SMC6: variants seen among roughly 807,000 people sequenced by gnomAD.
The protein encoded by SMC6 is structural maintenance of chromosomes 6.
A neutral mutation model predicts 142.2 loss-of-function variants in SMC6; 79 were observed. The ratio of observed to expected loss-of-function variants is 0.56; its 90% CI spans 0.46 to 0.67. SMC6 has a LOEUF of 0.67. Ranked by LOEUF, SMC6 falls within the 30% of genes least tolerant of loss-of-function variation. The pLI is 0.00. For synonymous variants in SMC6, 411 were observed against 412.4 expected (o/e 1.00, Z 0.04); for missense variants, 1,072 against 1,284.0 (o/e 0.83, Z 2.52).
intron 2 of SMC6, among the ~76,000 whole-genome samples, chr2:17,750,407 T>C (rs923262551): frequency 1.3e-5 from 2 of 152,196 alleles, no homozygotes; most frequent in Non-Finnish European, 2.9e-5. Context: ...TTTCCTTTGA[T>C]CCCCAACATC....
intron 18 of SMC6, among the ~76,000 whole-genome samples, chr2:17,704,832 T>C (rs934223090): frequency 2.0e-5 from 3 of 152,144 alleles, no homozygotes; most frequent in Admixed American, 6.5e-5. Flanking sequence ...AGGAAGAGAA[T>C]AGCGCAATTT....
intron 24 of SMC6, among the ~76,000 whole-genome samples, chr2:17,682,478 AG>A (rs1667277594): frequency 6.6e-6 from 1 of 152,182 alleles, no homozygotes; most frequent in African/African-American, 2.4e-5. Flanking sequence ...TAAACTCCAG[AG>A]GATCTATAAA....
At chr2:17,686,885 C>T (rs1667480428) in intron 23 of SMC6, among the ~76,000 whole-genome samples, 1 of 152,128 alleles carries the variant, frequency 6.6e-6, no homozygotes, top group Non-Finnish European at 1.5e-5. Flanking sequence ...TCAATGTATA[C>T]AAACTTTGTT....
chr2:17,693,978 C>T (rs963167981), intron 23 of SMC6, among the ~76,000 whole-genome samples: 1 of 106,750 alleles, frequency 9.4e-6, no homozygotes. Context: ...CCAGCCTGGG[C>T]AAGAGGAGCA....
chr2:17,740,233 A>G (rs957458425), intron 4 of SMC6, among the ~76,000 whole-genome samples: 2 of 152,218 alleles, frequency 1.3e-5, no homozygotes, highest in Admixed American at 1.3e-4. Context: ...TGACCCCTCT[A>G]AAACAGTGAT....
chr2:17,740,861 A>C (rs973958391), intron 4 of SMC6: 19 of 229,206 alleles, frequency 8.3e-5, no homozygotes, highest in African/African-American at 1.4e-4. Flanking sequence ...AAAAAACAAA[A>C]AACAAAAAAA....
intron 9 of SMC6, among the ~76,000 whole-genome samples, chr2:17,723,546 T>A (rs1181086112): frequency 6.6e-6 from 1 of 152,166 alleles, no homozygotes; most frequent in African/African-American, 2.4e-5. Flanking sequence ...GCTTTCACCA[T>A]CCTTTGCCTG....
chr2:17,703,125 C>G (rs1668348814), intron 19 of SMC6, 32 bp downstream of exon 19: 1 of 1,245,528 alleles, frequency 8.0e-7, no homozygotes, highest in South Asian at 1.5e-5. Context: ...TTGAAAAAAA[C>G]AAAAGAAGGT....
At chr2:17,720,751 C>T (rs1004106493) in intron 11 of SMC6, among the ~76,000 whole-genome samples, 189 bp downstream of exon 11, 11 of 152,076 alleles carry the variant, frequency 7.2e-5, no homozygotes, top group Non-Finnish European at 1.2e-4. Context: ...GGATAGAGTA[C>T]TCTTTTCAAA....
At chr2:17,709,359 A>T (rs1172334223) in intron 16 of SMC6, among the ~76,000 whole-genome samples, 2 of 152,204 alleles carry the variant, frequency 1.3e-5, no homozygotes. Context: ...GAAAGAAAAG[A>T]TATTCTTATG....
intron 16 of SMC6, among the ~76,000 whole-genome samples, chr2:17,714,380 C>T (rs1668979365): frequency 6.6e-6 from 1 of 152,080 alleles, no homozygotes; most frequent in African/African-American, 2.4e-5. Context: ...AGGCATGAGC[C>T]CCTGTGCCTG....
chr2:17,694,680 G>A (rs1208444186), intron 23 of SMC6, among the ~76,000 whole-genome samples: 1 of 152,140 alleles, frequency 6.6e-6, no homozygotes, highest in Non-Finnish European at 1.5e-5. Flanking sequence ...ATAGGTGGTG[G>A]AAATGCAATT....
At chr2:17,678,149 A>G (rs1365830049) in intron 25 of SMC6, among the ~76,000 whole-genome samples, 1 of 152,168 alleles carries the variant, frequency 6.6e-6, no homozygotes, top group Non-Finnish European at 1.5e-5. Flanking sequence ...AGTAAATAGT[A>G]TAAACACAAT....
chr2:17,725,744 C>T (rs1572335063), intron 8 of SMC6, among the ~76,000 whole-genome samples: 1 of 152,104 alleles, frequency 6.6e-6, no homozygotes, highest in Non-Finnish European at 1.5e-5. Flanking sequence ...AAAGGCTACA[C>T]AGAATATTTA....
At chr2:17,707,639 C>T (rs1278903810) in intron 17 of SMC6, among the ~76,000 whole-genome samples, 1 of 151,958 alleles carries the variant, frequency 6.6e-6, no homozygotes, top group Admixed American at 6.6e-5. Context: ...TTTTTAAATT[C>T]ACATATTGCT....
At chr2:17,735,206 G>T (rs1415274102) in intron 5 of SMC6, among the ~76,000 whole-genome samples, 1 of 152,132 alleles carries the variant, frequency 6.6e-6, no homozygotes, top group Non-Finnish European at 1.5e-5. Flanking sequence ...GATATGGTCT[G>T]TGCTGATGCT....
chr2:17,716,634 C>G (rs1306256716), intron 14 of SMC6, 107 bp downstream of exon 14: 10 of 1,124,856 alleles, frequency 8.9e-6, no homozygotes, highest in Non-Finnish European at 1.3e-5. Flanking sequence ...TAAAAAGATC[C>G]CTTATTATGT....
intron 5 of SMC6, among the ~76,000 whole-genome samples, chr2:17,732,529 T>C (rs1669959057): frequency 6.6e-6 from 1 of 151,866 alleles, no homozygotes; most frequent in Non-Finnish European, 1.5e-5. Context: ...TGAAACCCCA[T>C]CTCTACAAAA....
chr2:17,695,176 T>G lies in SMC6; in HGVS notation c.2654A>C (p.His885Pro). 6.2e-7 allele frequency: 1 copy of G among 1,613,534 alleles called. No individual in the cohort carries two copies. ...RQKIQAEHAS[H>P]GDREEIMRQY... ...CCTCATTATTTCCTCTCGATCTCCA[T>G]GACTAGCATGTTCTGCCTGTATCTT... Residue 885 changes from histidine to proline, a missense_variant, in exon 23 of 28, where the codon CAT becomes CCT. Physicochemically the swap from His to Pro is moderately conservative, Grantham distance 77. Transcript: ENST00000448223.
Sources: allele counts gnomAD v4.1 joint callset (sites outside exome capture counted in the v4.1 genomes callset), GRCh38; gene constraint gnomAD v4.1.1; transcripts MANE v1.5; gene names NCBI Gene and HGNC (gene_info 2026-07-23, HGNC 2026-07-21).